KCNMA1: variants seen among roughly 807,000 people sequenced by gnomAD.
The protein encoded by KCNMA1 is Calcium-activated potassium channel subunit alpha-1.
In KCNMA1, 29 loss-of-function variants were observed where a neutral mutation model predicts 140.0. That is an observed-to-expected ratio of 0.21 (90% confidence interval 0.15 to 0.28). KCNMA1 has a LOEUF of 0.28. KCNMA1 is among the 10% of genes least tolerant of loss of function. KCNMA1 has a pLI of 1.00. For synonymous variants in KCNMA1, 612 were observed against 611.9 expected, an observed-to-expected ratio of 1.00 and a Z score of 0.00; for missense variants, 880 against 1,602.2, an observed-to-expected ratio of 0.55 and a Z score of 7.70.
chr10:77,413,174 A>T (rs1173351406), intron 1 of KCNMA1, among the ~76,000 whole-genome samples: 1 of 152,074 alleles, frequency 6.6e-6, no homozygotes, highest in East Asian at 1.9e-4. Flanking sequence ...TTAGCTTTTT[A>T]AAAAATGCTT....
At chr10:77,296,202 A>T (rs2075066248) in intron 2 of KCNMA1, among the ~76,000 whole-genome samples, 2 of 152,170 alleles carry the variant, frequency 1.3e-5, no homozygotes, top group African/African-American at 4.8e-5. Context: ...TCTTTATAAA[A>T]GGGAGGTAGA....
intron 1 of KCNMA1, among the ~76,000 whole-genome samples, chr10:77,568,076 A>G (rs1156343664): frequency 6.6e-6 from 1 of 152,266 alleles, no homozygotes; most frequent in Non-Finnish European, 1.5e-5. Context: ...AGGAGCTGAA[A>G]TTGTGGCAAT....
chr10:77,060,000 TAA>T (rs1214681952), intron 14 of KCNMA1, among the ~76,000 whole-genome samples: 1 of 152,176 alleles, frequency 6.6e-6, no homozygotes, highest in East Asian at 1.9e-4. Flanking sequence ...CATATAAATC[TAA>T]CAAAACATGT....
chr10:76,930,937 T>C (rs141118584), intron 23 of KCNMA1, among the ~76,000 whole-genome samples: 22 of 152,168 alleles, frequency 1.4e-4, no homozygotes, highest in African/African-American at 4.8e-4. Context: ...ATCTAAAAAG[T>C]TGAACTCATA....
In KCNMA1 at chr10:77,001,904, G is replaced by A. The variant is rs186767234; in HGVS notation, c.2093-324C>T. ...CAAATGGGAAGAAGAGCAAATTATC[G>A]ACAGCAAAAAACGTAACCAACACTT... On this transcript the variant is annotated intron_variant, in intron 18 of 27. Transcript: ENST00000286628. 2.7e-3 allele frequency among the ~76,000 whole-genome samples: 406 copies of A among 152,178 alleles called. 6 individuals are homozygous for A. Among genetic ancestry groups the A allele is most frequent in the African/African-American group, 9.5e-3 (394 of 41,512 alleles).
At chr10:77,386,156 T>C (rs1163728426) in intron 2 of KCNMA1, among the ~76,000 whole-genome samples, 1 of 152,102 alleles carries the variant, frequency 6.6e-6, no homozygotes, top group Non-Finnish European at 1.5e-5. Context: ...AAAGGAAACA[T>C]GGGGTCATCT....
intron 8 of KCNMA1, among the ~76,000 whole-genome samples, chr10:77,109,585 C>T (rs2097271632): frequency 6.6e-6 from 1 of 152,156 alleles, no homozygotes; most frequent in South Asian, 2.1e-4. Context: ...AGCAAAAATA[C>T]CCCATGTGTC....
chr10:77,306,293 C>T (rs1342989129), intron 2 of KCNMA1, among the ~76,000 whole-genome samples: 1 of 152,180 alleles, frequency 6.6e-6, no homozygotes, highest in Non-Finnish European at 1.5e-5. Flanking sequence ...CATGGGGGTT[C>T]ATTAGGGAAT....
intron 21 of KCNMA1, among the ~76,000 whole-genome samples, chr10:76,952,413 G>GGGA (rs1279569827): frequency 5.3e-5 from 8 of 152,072 alleles, no homozygotes; most frequent in African/African-American, 1.9e-4. Flanking sequence ...CCAGCTACTC[G>GGGA]GGAGGCTGAG....
chr10:76,884,755 A>G, downstream of KCNMA1: 1 of 525,366 alleles, frequency 1.9e-6, no homozygotes, highest in Non-Finnish European at 3.2e-6. Flanking sequence ...AAGTGGAAGA[A>G]GGAAGGAAGA....
chr10:77,324,971 C>CTCTCTCTCTG (rs766240356), intron 2 of KCNMA1, among the ~76,000 whole-genome samples: 958 of 90,414 alleles, frequency 0.011, 13 homozygotes, highest in Middle Eastern at 0.021. Context: ...CTCTCTCTCT[C>CTCTCTCTCTG]TGTGTGTGTG....
At chr10:76,974,204 AAG>A (rs2076855853) in intron 19 of KCNMA1, 2 of 371,654 alleles carry the variant, frequency 5.4e-6, no homozygotes, top group Admixed American at 8.8e-5. Context: ...CACTCAGAAT[AAG>A]AGTCATGCAA....
intron 1 of KCNMA1, among the ~76,000 whole-genome samples, chr10:77,448,796 A>G (rs2097575178): frequency 6.6e-6 from 1 of 152,220 alleles, no homozygotes; most frequent in Non-Finnish European, 1.5e-5. Flanking sequence ...ATGTAACAAA[A>G]TACTACTAAC....
intron 1 of KCNMA1, among the ~76,000 whole-genome samples, chr10:77,511,619 T>C (rs1049162258): frequency 2.0e-5 from 3 of 152,170 alleles, no homozygotes; most frequent in Non-Finnish European, 4.4e-5. Context: ...GCAAGCAGGA[T>C]GCTTGGGGAA....
intron 1 of KCNMA1, among the ~76,000 whole-genome samples, chr10:77,518,577 G>C (rs1053916147): frequency 6.6e-6 from 1 of 152,198 alleles, no homozygotes; most frequent in Non-Finnish European, 1.5e-5. Context: ...AGGGCCGAAG[G>C]AAGAAGCCCA....
intron 19 of KCNMA1, among the ~76,000 whole-genome samples, chr10:76,981,119 C>T (rs1592682447): frequency 6.6e-6 from 1 of 152,278 alleles, no homozygotes; most frequent in East Asian, 1.9e-4. Context: ...TCCTTCTCCA[C>T]ACCAGTCTGC....
chr10:77,256,473 C>T (rs1354087790), intron 2 of KCNMA1, among the ~76,000 whole-genome samples: 1 of 152,146 alleles, frequency 6.6e-6, no homozygotes, highest in Admixed American at 6.6e-5. Flanking sequence ...CAATGGGAGT[C>T]ACTGAATTAA....
At chr10:77,572,016 G>A (rs73291804) in intron 1 of KCNMA1, among the ~76,000 whole-genome samples, 30,562 of 152,078 alleles carry the variant, frequency 0.2, 3,526 homozygotes, top group African/African-American at 0.32. Flanking sequence ...GTAGTCAGCA[G>A]TTCCAATTGA....
intron 1 of KCNMA1, among the ~76,000 whole-genome samples, chr10:77,481,949 G>C (rs560888213): frequency 1.1e-3 from 162 of 152,304 alleles, no homozygotes; most frequent in African/African-American, 3.6e-3. Context: ...CAGTGGGTGA[G>C]GAAACATGAA....
Sources: gnomAD v4.1 joint callset for allele counts (sites outside exome capture counted in the v4.1 genomes callset) on GRCh38, gnomAD v4.1.1 for gene constraint, MANE v1.5 for transcripts, NCBI Gene and HGNC (gene_info 2026-07-23, HGNC 2026-07-21) for gene names.